The following NALF1 variants were observed in gnomAD, a reference collection of about 807,000 sequenced individuals.
NALF1 encodes NALCN channel auxiliary factor 1, also known as family with sequence similarity 155 member A.
NALF1 carries 3 observed loss-of-function variants against 48.4 expected under a neutral mutation model. That is an observed-to-expected ratio of 0.06 (90% CI 0.03 to 0.16). The LOEUF (loss-of-function observed/expected upper bound fraction) is 0.16, where lower values mean the gene tolerates loss of function less well. Among genes scored for constraint, NALF1 ranks in the 10% least tolerant of loss-of-function variants. The pLI is 1.00. For missense variants in NALF1, 526 were observed against 571.5 expected (o/e 0.92, Z 0.81); for synonymous variants, 262 against 245.7 (o/e 1.07, Z -0.62).
At chr13:107,394,662 T>C (rs1437535093) in intron 1 of NALF1, among the ~76,000 whole-genome samples, 1 of 152,134 alleles carries the variant, frequency 6.6e-6, no homozygotes, top group Admixed American at 6.6e-5. Context: ...TTATTGAAAT[T>C]TGGGGCAAAT....
chr13:107,727,887 C>T (rs192807914), intron 1 of NALF1, among the ~76,000 whole-genome samples: 2 of 152,280 alleles, frequency 1.3e-5, no homozygotes, highest in Non-Finnish European at 2.9e-5. Context: ...ACAGACACTT[C>T]TCAAAAGAAG....
At position 107,726,220 on chromosome 13, in the gene NALF1, ACTCTCT is replaced by A. The variant is rs570878679; in HGVS notation, c.915+139456_915+139461del. ...TATCTTTTTGATGTGCAAAAATGCAACTCTCTTATGTTTTTTATTTTACCAGTAGTG... is the reference window on the plus strand; with the variant it reads ...TATCTTTTTGATGTGCAAAAATGCAATATGTTTTTTATTTTACCAGTAGTG... On this transcript the variant is annotated intron_variant, in intron 1 of 2. Transcript: ENST00000375915. Among the ~76,000 whole-genome samples, 74 of 152,096 alleles carry A rather than the reference ACTCTCT, an allele frequency of 4.9e-4. No homozygotes were observed. In the East Asian group the frequency reaches 9.3e-3, roughly 19 times the overall value.
At chr13:107,435,206 A>G (rs900123304) in intron 1 of NALF1, among the ~76,000 whole-genome samples, 2 of 152,154 alleles carry the variant, frequency 1.3e-5, no homozygotes, top group South Asian at 2.1e-4. Context: ...GGAACAAAAT[A>G]GGCATGTTCC....
At chr13:107,314,097 AG>A (rs2138906864) in intron 1 of NALF1, among the ~76,000 whole-genome samples, 2 of 152,294 alleles carry the variant, frequency 1.3e-5, no homozygotes, top group African/African-American at 4.8e-5. Context: ...GGAAACCAAA[AG>A]GTACAACAGC....
chr13:107,211,705 T>C (rs542082709), intron 1 of NALF1, among the ~76,000 whole-genome samples: 1 of 152,354 alleles, frequency 6.6e-6, no homozygotes, highest in South Asian at 2.1e-4. Flanking sequence ...TTTCTAGGGT[T>C]AATATTATCC....
intron 1 of NALF1, among the ~76,000 whole-genome samples, chr13:107,583,708 T>C (rs1878375869): frequency 6.6e-6 from 1 of 152,180 alleles, no homozygotes; most frequent in Non-Finnish European, 1.5e-5. Flanking sequence ...ATACACATTT[T>C]TGGAAGTACT....
intron 1 of NALF1, among the ~76,000 whole-genome samples, chr13:107,498,393 A>T: frequency 6.6e-6 from 1 of 152,148 alleles, no homozygotes; most frequent in South Asian, 2.1e-4. Flanking sequence ...TGGGGAAAAT[A>T]AGAAAGCCCT....
chr13:107,407,447 A>G lies in NALF1; in HGVS notation c.916-196692T>C, dbSNP rs1041834221. 2.0e-5 allele frequency among the ~76,000 whole-genome samples: 3 copies of G among 152,148 alleles called. 1 individual carries two copies. ...ATAATCTGATTTTAAAACGGGCAAA[A>G]GATCTGAATAGACATTACTCAAAAG... On this transcript the variant is annotated intron_variant, in intron 1 of 2. Transcript: ENST00000375915.
chr13:107,755,141 T>C (rs1877058783), intron 1 of NALF1, among the ~76,000 whole-genome samples: 1 of 152,190 alleles, frequency 6.6e-6, no homozygotes, highest in Admixed American at 6.5e-5. Flanking sequence ...TTTTTTTTGC[T>C]TGTTGACAGA....
At chr13:107,512,356 T>G (rs1875921977) in intron 1 of NALF1, among the ~76,000 whole-genome samples, 1 of 152,162 alleles carries the variant, frequency 6.6e-6, no homozygotes, top group Admixed American at 6.5e-5. Context: ...ATCATGCCAC[T>G]GCGCTCCAGC....
intron 1 of NALF1, among the ~76,000 whole-genome samples, chr13:107,390,979 T>A (rs1291716090): frequency 6.6e-6 from 1 of 152,134 alleles, no homozygotes; most frequent in Non-Finnish European, 1.5e-5. Context: ...TTTTAAAAGT[T>A]ACTGAGCATC....
chr13:107,467,917 G>A (rs575631391), intron 1 of NALF1, among the ~76,000 whole-genome samples: 3 of 151,848 alleles, frequency 2.0e-5, no homozygotes, highest in Non-Finnish European at 4.4e-5. Context: ...GCGTGGTGGC[G>A]GGCGCCTGTA....
intron 2 of NALF1, among the ~76,000 whole-genome samples, chr13:107,207,334 T>C (rs1594070176): frequency 6.6e-6 from 1 of 152,354 alleles, no homozygotes; most frequent in African/African-American, 2.4e-5. Flanking sequence ...ATGGCTCACA[T>C]TTACTTGCAA....
chr13:107,374,579 C>T (rs1436396043), intron 1 of NALF1, among the ~76,000 whole-genome samples: 1 of 113,902 alleles, frequency 8.8e-6, no homozygotes, highest in East Asian at 4.4e-4. Context: ...CTGAATGAGA[C>T]GCTAAGACTT....
chr13:107,179,685 A>AC (rs1879022287), intron 2 of NALF1, among the ~76,000 whole-genome samples: 1 of 150,428 alleles, frequency 6.6e-6, no homozygotes, highest in Non-Finnish European at 1.5e-5. Flanking sequence ...AAAAAAAAAA[A>AC]ACCACAGCAG....
chr13:107,577,854 A>T (rs1033581522), intron 1 of NALF1, among the ~76,000 whole-genome samples: 8 of 151,964 alleles, frequency 5.3e-5, no homozygotes, highest in Admixed American at 2.0e-4. Flanking sequence ...CTCTTCCTTC[A>T]TCGCTTGAGT....
chr13:107,403,162 C>A (rs1219527278), intron 1 of NALF1, among the ~76,000 whole-genome samples: 2 of 126,736 alleles, frequency 1.6e-5, no homozygotes, highest in South Asian at 2.9e-4. Flanking sequence ...TTAGTACTCA[C>A]TTCTGCTTGG....
At chr13:107,678,727 G>A (rs912916016) in intron 1 of NALF1, among the ~76,000 whole-genome samples, 8 of 152,278 alleles carry the variant, frequency 5.3e-5, no homozygotes, top group African/African-American at 9.6e-5. Context: ...TCTTCACAAC[G>A]GGGCAGGAAG....
chr13:107,411,844 C>A (rs1198216257), intron 1 of NALF1, among the ~76,000 whole-genome samples: 1 of 152,080 alleles, frequency 6.6e-6, no homozygotes, highest in African/African-American at 2.4e-5. Flanking sequence ...AAAGAAGGGG[C>A]TATTCCAGGC....
Sources: gnomAD v4.1 joint callset for allele counts (sites outside exome capture counted in the v4.1 genomes callset) on GRCh38, gnomAD v4.1.1 for gene constraint, MANE v1.5 for transcripts, NCBI Gene and HGNC (gene_info 2026-07-23, HGNC 2026-07-21) for gene names.